The following CDKN2B-AS1 variants were observed in gnomAD, a reference collection of about 807,000 sequenced individuals.
CDKN2B-AS1 encodes CDKN2B antisense RNA 1 (non-protein coding).
chr9:22,109,907 A>G (rs1056671711), intron 4 of CDKN2B-AS1, among the ~76,000 whole-genome samples: 2 of 151,958 alleles, frequency 1.3e-5, no homozygotes, highest in African/African-American at 4.8e-5. Flanking sequence ...CTTTCCTTCT[A>G]TTTGGTCTGA....
intron 4 of CDKN2B-AS1, among the ~76,000 whole-genome samples, chr9:22,071,952 T>C (rs977178340): frequency 6.6e-6 from 1 of 152,214 alleles, no homozygotes; most frequent in Non-Finnish European, 1.5e-5. Flanking sequence ...AAGAGCAGAA[T>C]TACAAAGAGT....
intron 4 of CDKN2B-AS1, among the ~76,000 whole-genome samples, chr9:22,124,439 C>CA (rs1563995746): frequency 6.6e-6 from 1 of 152,154 alleles, no homozygotes; most frequent in African/African-American, 2.4e-5. Context: ...TGAGGCCAGA[C>CA]AGGGCTGTGG....
chr9:22,009,117 C>T, intron 1 of CDKN2B-AS1: 2 of 1,034,686 alleles, frequency 1.9e-6, no homozygotes, highest in African/African-American at 1.6e-5. Context: ...GGCTTGGGGC[C>T]CCGTGCAGTG....
chr9:22,005,112 A>ATG lies in CDKN2B-AS1; in HGVS notation n.29+9980_29+9981dup, dbSNP rs3028393. ...CATAAGGGGATTTCCGCATCCTAGC[A>ATG]TGTGTGTGTGTGTGTGTGTGTGTGT... On this transcript the variant is annotated intron_variant and non_coding_transcript_variant, in intron 1 of 4. Coordinates refer to ENST00000650946, the Ensembl canonical transcript of CDKN2B-AS1. This position sits in a 1 kb window ranked among gnomAD's most constrained non-coding sequence, Gnocchi z 4.9. The ATG allele has an allele frequency of 0.55, 123,666 of 225,046 alleles. 28,150 individuals carry two copies. Among genetic ancestry groups the ATG allele is most frequent in the Non-Finnish European group, 0.61 (69,619 of 113,986 alleles). 13.9% of individuals were successfully genotyped at this position (225,046 alleles called of 1,614,324 possible).
chr9:22,064,266 A>G (rs1037279313), intron 4 of CDKN2B-AS1, among the ~76,000 whole-genome samples: 1 of 152,186 alleles, frequency 6.6e-6, no homozygotes, highest in Non-Finnish European at 1.5e-5. Context: ...GTATAGTCAG[A>G]TGGCATGAGT....
chr9:22,029,724 T>C, intron 1 of CDKN2B-AS1: 1 of 424,170 alleles, frequency 2.4e-6, no homozygotes, highest in Non-Finnish European at 4.1e-6. Context: ...TTTCAAATAT[T>C]TTCTTATAAC....
At position 22,039,307 on chromosome 9, in the gene CDKN2B-AS1, G is replaced by A. The variant is rs912490751; in HGVS notation, n.30-7444G>A. On this transcript the variant is annotated intron_variant and non_coding_transcript_variant, in intron 1 of 4. Coordinates refer to ENST00000650946, the Ensembl canonical transcript of CDKN2B-AS1. The surrounding 1 kb of genome is among the most constrained non-coding windows in gnomAD (Gnocchi z 4.4). ...AGCTTCCCATGTTCTCTCCCTGCAA[G>A]GACCACCTCAAATCCCTCAGTAGTC... Among the ~76,000 whole-genome samples the A allele has an allele frequency of 6.6e-6, 1 of 151,832 alleles. No homozygotes were observed. Among genetic ancestry groups the A allele is most frequent in the African/African-American group, 2.4e-5 (1 of 41,346 alleles).
chr9:22,024,807 T>C (rs962425331), intron 1 of CDKN2B-AS1, among the ~76,000 whole-genome samples: 2 of 152,154 alleles, frequency 1.3e-5, no homozygotes, highest in Non-Finnish European at 2.9e-5. Context: ...AACACCCGGC[T>C]GGTGTGCGCA....
At chr9:22,069,437 G>C (rs189574862) in intron 4 of CDKN2B-AS1, among the ~76,000 whole-genome samples, 34 of 152,162 alleles carry the variant, frequency 2.2e-4, no homozygotes, top group Non-Finnish European at 4.0e-4. Context: ...CATTATTCCC[G>C]TGAAAAAACT....
intron 4 of CDKN2B-AS1, among the ~76,000 whole-genome samples, chr9:22,111,741 C>T (rs1563988439): frequency 2.6e-5 from 4 of 151,872 alleles, no homozygotes; most frequent in Non-Finnish European, 4.4e-5. Flanking sequence ...TAAAGAAATT[C>T]GAAAGTAGAT....
At chr9:22,103,725 G>A (rs1374936180) in intron 4 of CDKN2B-AS1, among the ~76,000 whole-genome samples, 1 of 152,180 alleles carries the variant, frequency 6.6e-6, no homozygotes, top group Non-Finnish European at 1.5e-5. Context: ...ATTTATTTGA[G>A]TAGACAGCCA....
At chr9:22,068,091 T>C (rs1201485555) in intron 4 of CDKN2B-AS1, among the ~76,000 whole-genome samples, 2 of 152,202 alleles carry the variant, frequency 1.3e-5, no homozygotes, top group East Asian at 3.9e-4. Flanking sequence ...TACTCTACAC[T>C]TAAATGTTAG....
intron 1 of CDKN2B-AS1, chr9:22,003,994 C>G (rs1022432896): frequency 6.0e-5 from 14 of 232,654 alleles, no homozygotes; most frequent in African/African-American, 2.0e-4. Flanking sequence ...AGATGCACTT[C>G]TTTGTGCATC....
intron 1 of CDKN2B-AS1, among the ~76,000 whole-genome samples, chr9:22,019,365 G>C (rs953293126): frequency 2.0e-5 from 3 of 152,188 alleles, no homozygotes; most frequent in African/African-American, 7.2e-5. Context: ...GGTTATGGTA[G>C]CTTGGACTAA....
intron 3 of CDKN2B-AS1, among the ~76,000 whole-genome samples, chr9:22,051,966 GCA>G (rs1823364830): frequency 6.6e-6 from 1 of 152,122 alleles, no homozygotes; most frequent in Admixed American, 6.6e-5. Flanking sequence ...TTCACTAGCT[GCA>G]CAGTTTGTAA....
intron 4 of CDKN2B-AS1, among the ~76,000 whole-genome samples, chr9:22,056,559 T>C (rs993284775): frequency 2.0e-5 from 3 of 152,114 alleles, no homozygotes; most frequent in Non-Finnish European, 4.4e-5. Context: ...TTTCTCCTTT[T>C]TGAACCCCTG....
intron 1 of CDKN2B-AS1, among the ~76,000 whole-genome samples, chr9:22,020,563 A>C (rs768800580): frequency 7.2e-5 from 11 of 152,148 alleles, no homozygotes; most frequent in Admixed American, 6.5e-4. Flanking sequence ...CTTTTTAATA[A>C]TAGCCATTCT....
intron 4 of CDKN2B-AS1, among the ~76,000 whole-genome samples, chr9:22,096,137 C>A (rs936217379): frequency 1.3e-5 from 2 of 152,078 alleles, no homozygotes; most frequent in Admixed American, 6.5e-5. Context: ...GTAAGGCAAA[C>A]AATACAGTGC....
intron 4 of CDKN2B-AS1, chr9:22,064,110 G>C (rs1417284363): frequency 6.6e-6 from 1 of 152,198 alleles, no homozygotes; most frequent in Admixed American, 6.5e-5. Context: ...CAGATTGAGG[G>C]TGTTGGGTGG....
Sources: gnomAD v4.1 joint callset for allele counts (sites outside exome capture counted in the v4.1 genomes callset) on GRCh38, gnomAD v4.1.1 for gene constraint, Gnocchi (gnomAD v3.1) non-coding constraint, MANE v1.5 for transcripts, NCBI Gene and HGNC (gene_info 2026-07-23, HGNC 2026-07-21) for gene names.